The following VIL1 variants were observed in gnomAD, a reference collection of about 807,000 sequenced individuals.
VIL1 encodes villin 1.
Under a neutral mutation model 104.0 loss-of-function variants are expected in VIL1, and 86 were observed. That is an observed-to-expected ratio of 0.83 (90% CI 0.69 to 0.99). VIL1 has a LOEUF of 0.99. VIL1 is among the 50% of genes least tolerant of loss of function. The pLI, the probability that VIL1 is intolerant of heterozygous loss-of-function variation, is 0.00. For synonymous variants in VIL1, 394 were observed against 412.6 expected, an observed-to-expected ratio of 0.95 and a Z score of 0.55; for missense variants, 944 against 1,054.1, an observed-to-expected ratio of 0.90 and a Z score of 1.45.
chr2:218,434,525 G>GGGA lies in VIL1; in HGVS notation c.1503_1505dup (p.Gly502dup), dbSNP rs1559148421. ...TCCCTGTCTTCTGCCCTCACCTGCA[G>GGGA]GGAGGCACCTCCCGAACTAACAACT... is the stretch of plus-strand genomic sequence containing the variant. On this transcript the variant is annotated inframe_insertion and splice_region_variant. Coordinates refer to ENST00000248444, the MANE Select transcript of VIL1 (RefSeq NM_007127.3). 11 of 1,609,498 alleles carry GGGA rather than the reference G, an allele frequency of 6.8e-6. No individual in the cohort carries two copies. In the South Asian group the frequency reaches 1.2e-4, roughly 18 times the overall value.
chr2:218,438,724 G>A lies in VIL1; in HGVS notation c.2227G>A (p.Ala743Thr), dbSNP rs760590941. 31 of 1,610,970 alleles carry A rather than the reference G, an allele frequency of 1.9e-5. No individual in the cohort carries two copies. The highest frequency in any genetic ancestry group is 2.4e-5 in the Non-Finnish European group (28 of 1,179,290). Residue 743 changes from alanine (A) to threonine (T), a missense_variant and splice_region_variant, in exon 18 of 20, where the codon GCT (alanine) becomes ACT (threonine). Ala to Thr is a moderately conservative substitution (Grantham distance 58, BLOSUM62 0). Transcript: ENST00000248444. ...GNSRDWSQIT[A>T]EVTSPKVDVF... ...CTCTAGGGACTGGAGCCAGATCACT[G>A]CTGTGAGTCCGGGGCGGGGTGGCTG...
intron 13 of VIL1, among the ~76,000 whole-genome samples, chr2:218,433,705 G>C (rs1027162078): frequency 6.6e-6 from 1 of 152,132 alleles, no homozygotes; most frequent in Admixed American, 6.5e-5. Flanking sequence ...TCAGGAGTTC[G>C]AGAGCAGCCT....
rs955052658 is a variant in VIL1 at position 218,451,739 on chromosome 2, G to C, written c.*2403G>C. 6.6e-6 allele frequency: 1 copy of C among 152,438 alleles called. No homozygotes were observed. Among genetic ancestry groups the C allele is most frequent in the African/African-American group, 2.4e-5 (1 of 41,422 alleles). 9.4% of individuals were successfully genotyped at this position (152,438 alleles called of 1,614,324 possible). On this transcript the variant is annotated 3_prime_UTR_variant, in exon 20 of 20. Coordinates refer to ENST00000248444, the MANE Select transcript of VIL1 (RefSeq NM_007127.3). The stretch of plus-strand genomic sequence containing the variant: ...AAAATAAATGTGTAGTCTAACATTT[G>C]CTTTCTGGAGTTAATTAACTGATCT...
intron 12 of VIL1, 46 bp from the exon 13 acceptor site, chr2:218,432,747 T>C (rs780296342): frequency 2.3e-5 from 37 of 1,609,774 alleles, no homozygotes; most frequent in Admixed American, 8.4e-5. Context: ...GGGGTCAGAA[T>C]TGGGGGCTGA....
chr2:218,438,775 C>T, intron 18 of VIL1, 49 bp downstream of exon 18: 1 of 1,548,936 alleles, frequency 6.5e-7, no homozygotes, highest in Non-Finnish European at 8.8e-7. Context: ...AGCTGGTGGT[C>T]AGACCTGTGG....
At chr2:218,430,016 C>A in intron 9 of VIL1, 69 bp downstream of exon 9, 1 of 1,409,358 alleles carries the variant, frequency 7.1e-7, no homozygotes, top group Non-Finnish European at 9.9e-7. Context: ...CAGATAGCAG[C>A]ATGGGGTGGG....
intron 19 of VIL1, 32 bp downstream of exon 19, chr2:218,440,894 G>A (rs372535499): frequency 6.1e-5 from 99 of 1,612,260 alleles, no homozygotes; most frequent in Non-Finnish European, 7.9e-5. Flanking sequence ...AGACAAAGAA[G>A]TCCATTTGTT....
At chr2:218,442,128 T>C (rs1689294249) in intron 19 of VIL1, among the ~76,000 whole-genome samples, 1 of 151,954 alleles carries the variant, frequency 6.6e-6, no homozygotes, top group South Asian at 2.1e-4. Flanking sequence ...CTAGAACAAG[T>C]CATGGTGGAG....
At chr2:218,419,496 C>G (rs1402977895) in intron 1 of VIL1, among the ~76,000 whole-genome samples, 1 of 152,168 alleles carries the variant, frequency 6.6e-6, no homozygotes, top group Non-Finnish European at 1.5e-5. Flanking sequence ...CAGACCGGGA[C>G]TAGTTGGTCT....
rs1689056306 is a variant in VIL1, at chr2:218,429,419, G to A, written c.702G>A (p.Arg234=). 1 of 1,614,108 alleles carries A rather than the reference G, an allele frequency of 6.2e-7. No individual in the cohort carries two copies. The highest frequency in any genetic ancestry group is 8.5e-7 in the Non-Finnish European group (1 of 1,180,038). ...TGAACCACGTGCTGGGCAAGCGCAGGGAGCTGAAGGCGGCCGTGCCCGACA... is the reference window on the plus strand; with the variant it reads ...TGAACCACGTGCTGGGCAAGCGCAGAGAGCTGAAGGCGGCCGTGCCCGACA... ...EVMNHVLGKR[R]ELKAAVPDTV... is the part of the protein sequence containing the mutation. The change falls in exon 7 of 20, where the codon AGG becomes AGA. Residue 234 remains arginine, a synonymous_variant. Coordinates refer to ENST00000248444, the MANE Select transcript of VIL1 (RefSeq NM_007127.3).
intron 9 of VIL1, 109 bp downstream of exon 9, chr2:218,430,056 A>G: frequency 1.0e-6 from 1 of 971,686 alleles, no homozygotes; most frequent in Non-Finnish European, 1.6e-6. Flanking sequence ...GCATAGTGCC[A>G]GGCAGAGGCA....
intron 3 of VIL1, among the ~76,000 whole-genome samples, chr2:218,424,719 C>T (rs752372711): frequency 2.5e-4 from 38 of 152,074 alleles, no homozygotes; most frequent in Non-Finnish European, 4.7e-4. Flanking sequence ...TGCAGTGGAG[C>T]GACCTCGGCT....
intron 18 of VIL1, among the ~76,000 whole-genome samples, chr2:218,439,816 CA>C (rs35708356): frequency 9.4e-3 from 480 of 51,186 alleles, no homozygotes; most frequent in African/African-American, 0.013. Context: ...GACCCTGTCT[CA>C]AAAAAAAAAA....
intron 19 of VIL1, 119 bp downstream of exon 19, chr2:218,440,981 T>C: frequency 8.6e-7 from 1 of 1,156,642 alleles, no homozygotes; most frequent in Admixed American, 2.5e-5. Flanking sequence ...GATGGGATCC[T>C]GCCTTCATGC....
chr2:218,421,872 C>G (rs993547273), intron 1 of VIL1, among the ~76,000 whole-genome samples: 1 of 152,124 alleles, frequency 6.6e-6, no homozygotes, highest in Non-Finnish European at 1.5e-5. Context: ...TAGAGATCAT[C>G]GATTTAGTTA....
chr2:218,423,308 T>A (rs749834988), intron 1 of VIL1, among the ~76,000 whole-genome samples: 3 of 152,010 alleles, frequency 2.0e-5, no homozygotes, highest in Non-Finnish European at 2.9e-5. Context: ...GGTAGGAGAA[T>A]CACTTGAACC....
At chr2:218,445,996 A>G (rs1162467966) in intron 19 of VIL1, among the ~76,000 whole-genome samples, 1 of 152,228 alleles carries the variant, frequency 6.6e-6, no homozygotes, top group East Asian at 1.9e-4. Flanking sequence ...GATCATTCAC[A>G]GGATGACAGA....
chr2:218,449,024 G>T (rs1689419309), intron 19 of VIL1, among the ~76,000 whole-genome samples, 199 bp from the exon 20 acceptor site: 1 of 151,526 alleles, frequency 6.6e-6, no homozygotes, highest in Non-Finnish European at 1.5e-5. Flanking sequence ...AAAAATCAGG[G>T]ATAAACCTCT....
chr2:218,430,656 G>C lies in VIL1; in HGVS notation c.949-69G>C. 2.0e-6 allele frequency: 3 copies of C among 1,519,234 alleles called. No homozygotes were observed. In the Admixed American group the frequency reaches 6.4e-5, roughly 33 times the overall value. 94.1% of individuals were successfully genotyped at this position (1,519,234 alleles called of 1,614,324 possible). On this transcript the variant is annotated intron_variant, in intron 9 of 19. Transcript: ENST00000248444. Reference sequence around the variant, plus strand: ...GTGGATCTGGTTAGGTTAGAGCTAGGTTTTGGCTTGCATTGGGAGTGGGGA... The same window carrying C: ...GTGGATCTGGTTAGGTTAGAGCTAGCTTTTGGCTTGCATTGGGAGTGGGGA...
Sources: gnomAD v4.1 joint callset for allele counts (sites outside exome capture counted in the v4.1 genomes callset) on GRCh38, gnomAD v4.1.1 for gene constraint, MANE v1.5 for transcripts, NCBI Gene and HGNC (gene_info 2026-07-23, HGNC 2026-07-21) for gene names.